Variants in RPA3 observed in about 807,000 individuals in gnomAD.
RPA3 encodes replication protein A 14 kDa subunit.
A neutral mutation model predicts 13.7 loss-of-function variants in RPA3; 24 were observed. That is an observed-to-expected ratio of 1.75 (90% CI 1.27 to 2.46). The LOEUF is 2.46. Ranked by LOEUF, RPA3 falls within the 30% of genes most tolerant of loss-of-function variation. The pLI, the probability that RPA3 is intolerant of heterozygous loss-of-function variation, is 0.00. For missense variants in RPA3, 183 were observed against 151.0 expected, an observed-to-expected ratio of 1.21 and a Z score of -1.11; for synonymous variants, 59 against 51.2, an observed-to-expected ratio of 1.15 and a Z score of -0.65.
intron 4 of RPA3, among the ~76,000 whole-genome samples, chr7:7,652,332 A>T (rs988839261): frequency 6.6e-6 from 1 of 152,204 alleles, no homozygotes; most frequent in Non-Finnish European, 1.5e-5. Flanking sequence ...AGTTTGACTC[A>T]GACTTTGAGA....
chr7:7,660,040 C>G (rs982195696), intron 4 of RPA3, among the ~76,000 whole-genome samples: 15 of 152,198 alleles, frequency 9.9e-5, no homozygotes, highest in Admixed American at 5.2e-4. Context: ...GCATTGATCC[C>G]TTTACCATTA....
intron 3 of RPA3, among the ~76,000 whole-genome samples, chr7:7,686,841 C>G (rs1274095768): frequency 6.6e-6 from 1 of 152,106 alleles, no homozygotes; most frequent in African/African-American, 2.4e-5. Flanking sequence ...GTTGCAGATT[C>G]TAGGAAATCT....
intron 4 of RPA3, among the ~76,000 whole-genome samples, chr7:7,669,389 G>T (rs1779549589): frequency 1.3e-5 from 2 of 152,168 alleles, no homozygotes. Flanking sequence ...TCATAGAGGG[G>T]AGATCTAAGA....
chr7:7,679,983 G>C (rs570918596), intron 4 of RPA3, among the ~76,000 whole-genome samples: 1 of 151,902 alleles, frequency 6.6e-6, no homozygotes, highest in East Asian at 1.9e-4. Context: ...CTCCCATTCT[G>C]TGGGTTGTCT....
intron 4 of RPA3, among the ~76,000 whole-genome samples, chr7:7,680,846 T>A (rs764865722): frequency 3.9e-5 from 6 of 152,142 alleles, no homozygotes; most frequent in Non-Finnish European, 8.8e-5. Flanking sequence ...TCAAATTGTT[T>A]GCTGTTGGCA....
chr7:7,671,449 A>G (rs1402866155), intron 4 of RPA3, among the ~76,000 whole-genome samples: 1 of 152,212 alleles, frequency 6.6e-6, no homozygotes. Context: ...AATATCAGCT[A>G]TATACCCTTT....
intron 2 of RPA3, among the ~76,000 whole-genome samples, chr7:7,692,800 G>T (rs1262191129): frequency 2.6e-5 from 4 of 152,074 alleles, no homozygotes; most frequent in Non-Finnish European, 5.9e-5. Context: ...AGTAGAGACG[G>T]GGTTCACCAT....
At chr7:7,712,427 T>G (rs1048047636) in intron 2 of RPA3, among the ~76,000 whole-genome samples, 1 of 152,180 alleles carries the variant, frequency 6.6e-6, no homozygotes, top group East Asian at 1.9e-4. Context: ...ACATTTCTGC[T>G]TTTGTCAGAT....
rs1784907870 is a variant in RPA3 at position 7,638,951 on chromosome 7, C to T, written c.174+119G>A. 6.4e-6 allele frequency: 4 copies of T among 627,058 alleles called. 1 individual carries two copies. The highest frequency in any genetic ancestry group is 3.6e-5 in the Admixed American group (1 of 27,998). 38.8% of individuals were successfully genotyped at this position (627,058 alleles called of 1,614,324 possible). A position where few individuals can be genotyped will look rare whatever the true frequency, so the allele number is the denominator to read the frequency against. ...AAGAATTAAATTTTACAGCCAGGGA[C>T]GTTTTACCAGCTCATCCTTTTTAAA... is the stretch of plus-strand genomic sequence containing the variant. On this transcript the variant is annotated intron_variant, in intron 6 of 7. Coordinates refer to ENST00000223129, the MANE Select transcript of RPA3 (RefSeq NM_002947.5).
At chr7:7,687,977 C>G (rs1320425042) in intron 2 of RPA3, among the ~76,000 whole-genome samples, 1 of 152,116 alleles carries the variant, frequency 6.6e-6, no homozygotes, top group African/African-American at 2.4e-5. Context: ...CCTGAAATAG[C>G]TTGTTGATGG....
chr7:7,699,052 G>C (rs1038733140), intron 2 of RPA3, among the ~76,000 whole-genome samples: 36 of 65,052 alleles, frequency 5.5e-4, no homozygotes, highest in East Asian at 3.6e-3. Flanking sequence ...GTGTGTGTGG[G>C]GGGGGGGTAG....
chr7:7,680,351 ATG>A (rs1353626724), intron 4 of RPA3, among the ~76,000 whole-genome samples: 3 of 152,044 alleles, frequency 2.0e-5, no homozygotes, highest in African/African-American at 7.2e-5. Context: ...TTCATTGTAA[ATG>A]TGTGAATTTA....
chr7:7,665,942 A>C (rs1380876562), intron 4 of RPA3, among the ~76,000 whole-genome samples: 1 of 151,656 alleles, frequency 6.6e-6, no homozygotes, highest in East Asian at 1.9e-4. Flanking sequence ...GTTATTGGAC[A>C]TTTGGGTTGT....
intron 4 of RPA3, among the ~76,000 whole-genome samples, chr7:7,656,098 G>C (rs1785335583): frequency 6.6e-6 from 1 of 152,066 alleles, no homozygotes; most frequent in Non-Finnish European, 1.5e-5. Flanking sequence ...GCCTCCCAAA[G>C]TACTGAGATT....
chr7:7,695,907 A>C (rs997250516), intron 2 of RPA3, among the ~76,000 whole-genome samples: 13 of 151,570 alleles, frequency 8.6e-5, no homozygotes, highest in African/African-American at 2.9e-4. Flanking sequence ...CCATGGCAGG[A>C]GTGTGAAACA....
intron 4 of RPA3, among the ~76,000 whole-genome samples, chr7:7,679,831 C>G (rs1306137794): frequency 2.6e-5 from 4 of 151,188 alleles, no homozygotes; most frequent in South Asian, 2.1e-4. Context: ...TCCCAAAGTG[C>G]TGGGATTACA....
rs547024556 is a variant in RPA3 at position 7,654,403 on chromosome 7, T to G, written c.-757-13228A>C. ...TCAAGATGACTTTATCATATGGATA[T>G]GGGAAGTGATTCTGTAGAGACAGTA... On this transcript the variant is annotated intron_variant, in intron 4 of 7. Coordinates refer to ENST00000223129, the MANE Select transcript of RPA3 (RefSeq NM_002947.5). Among the ~76,000 whole-genome samples the G allele has an allele frequency of 2.6e-5, 4 of 152,350 alleles. No homozygotes were observed. The South Asian group carries it at 8.3e-4, about 32-fold the overall frequency.
chr7:7,665,145 G>A (rs1297416377), intron 4 of RPA3, among the ~76,000 whole-genome samples: 2 of 152,114 alleles, frequency 1.3e-5, no homozygotes, highest in African/African-American at 2.4e-5. Context: ...AAATTCAAAG[G>A]AGATAATCAA....
chr7:7,654,538 C>G (rs936580181), intron 4 of RPA3, among the ~76,000 whole-genome samples: 2 of 152,154 alleles, frequency 1.3e-5, no homozygotes, highest in Non-Finnish European at 2.9e-5. Flanking sequence ...TTGTATATAG[C>G]CTTTGTACAT....
Sources: allele counts gnomAD v4.1 joint callset (sites outside exome capture counted in the v4.1 genomes callset), GRCh38; gene constraint gnomAD v4.1.1; transcripts MANE v1.5; gene names NCBI Gene and HGNC (gene_info 2026-07-23, HGNC 2026-07-21).